Variants in MRPS28 observed in about 807,000 individuals in gnomAD.
MRPS28 encodes small ribosomal subunit protein bS1m.
MRPS28 carries 7 observed loss-of-function variants against 10.8 expected under a neutral mutation model. The ratio of observed to expected loss-of-function variants is 0.65; its 90% CI spans 0.37 to 1.22. The LOEUF is 1.22. MRPS28 is among the 50% of genes most tolerant of loss of function. MRPS28 has a pLI of 0.02. For missense variants in MRPS28, 265 were observed against 232.9 expected, an observed-to-expected ratio of 1.14 and a Z score of -0.90; for synonymous variants, 121 against 93.3, an observed-to-expected ratio of 1.30 and a Z score of -1.71.
intron 2 of MRPS28, among the ~76,000 whole-genome samples, chr8:79,930,747 G>A (rs954779315): frequency 2.6e-5 from 4 of 152,174 alleles, no homozygotes; most frequent in Non-Finnish European, 5.9e-5. Context: ...CTTCTAATCT[G>A]AGAAAAGAAA....
At chr8:80,005,978 C>T (rs1808830028) in intron 1 of MRPS28, among the ~76,000 whole-genome samples, 1 of 152,216 alleles carries the variant, frequency 6.6e-6, no homozygotes, top group South Asian at 2.1e-4. Context: ...CACCCAGATT[C>T]ATAAAGCAAG....
intron 1 of MRPS28, among the ~76,000 whole-genome samples, chr8:80,008,062 T>C (rs1199851065): frequency 6.6e-6 from 1 of 152,122 alleles, no homozygotes; most frequent in African/African-American, 2.4e-5. Context: ...ATGATACTGG[T>C]ACCAAAACAG....
chr8:79,955,563 C>T (rs1224403934), intron 2 of MRPS28, among the ~76,000 whole-genome samples: 1 of 152,062 alleles, frequency 6.6e-6, no homozygotes, highest in African/African-American at 2.4e-5. Context: ...TTTAGGCCTC[C>T]GCTAACAGTC....
At chr8:79,989,157 GGGA>G (rs1808282429) in intron 2 of MRPS28, among the ~76,000 whole-genome samples, 2 of 152,068 alleles carry the variant, frequency 1.3e-5, no homozygotes, top group African/African-American at 4.8e-5. Flanking sequence ...ACGGTAATTT[GGGA>G]ATGGGAAAAG....
chr8:79,955,215 TCTGC>T (rs1342734514), intron 2 of MRPS28, among the ~76,000 whole-genome samples: 4 of 152,194 alleles, frequency 2.6e-5, no homozygotes, highest in Non-Finnish European at 5.9e-5. Context: ...TTTAGAACCA[TCTGC>T]CATGCGGGGT....
intron 1 of MRPS28, among the ~76,000 whole-genome samples, chr8:80,010,087 C>G (rs1458247305): frequency 2.0e-5 from 3 of 152,166 alleles, no homozygotes; most frequent in Non-Finnish European, 2.9e-5. Flanking sequence ...AATCTTTTTA[C>G]ATATTGAATT....
chr8:80,005,741 T>C (rs1808821748), intron 1 of MRPS28, among the ~76,000 whole-genome samples: 1 of 152,026 alleles, frequency 6.6e-6, no homozygotes, highest in Non-Finnish European at 1.5e-5. Context: ...AGGAGACCCA[T>C]CTCACGTGCA....
At chr8:79,965,412 T>C (rs1295890526) in intron 2 of MRPS28, among the ~76,000 whole-genome samples, 6 of 152,084 alleles carry the variant, frequency 3.9e-5, no homozygotes, top group Non-Finnish European at 7.4e-5. Flanking sequence ...ACTATCCTTA[T>C]TCTTATGCTT....
At chr8:79,961,546 C>T (rs1194814468) in intron 2 of MRPS28, among the ~76,000 whole-genome samples, 2 of 152,022 alleles carry the variant, frequency 1.3e-5, no homozygotes, top group African/African-American at 4.8e-5. Flanking sequence ...GAAAATAACA[C>T]CAAAATTGAA....
intron 2 of MRPS28, among the ~76,000 whole-genome samples, chr8:79,919,910 T>C (rs1810030319): frequency 1.3e-5 from 2 of 150,678 alleles, no homozygotes; most frequent in Non-Finnish European, 3.0e-5. Context: ...AACTCGTCAT[T>C]TACGTTAGGT....
intron 2 of MRPS28, among the ~76,000 whole-genome samples, chr8:79,920,114 A>G (rs912693513): frequency 2.0e-4 from 31 of 152,274 alleles, no homozygotes; most frequent in African/African-American, 7.2e-4. Flanking sequence ...TACAAAGGAC[A>G]TGAACTCATC....
At chr8:79,988,623 A>G (rs1808265748) in intron 2 of MRPS28, among the ~76,000 whole-genome samples, 1 of 152,170 alleles carries the variant, frequency 6.6e-6, no homozygotes, top group African/African-American at 2.4e-5. Flanking sequence ...ATAAATGGAG[A>G]CATAAAAAAC....
chr8:79,939,246 T>C (rs1806692259), intron 2 of MRPS28, among the ~76,000 whole-genome samples: 2 of 152,256 alleles, frequency 1.3e-5, no homozygotes, highest in Admixed American at 1.3e-4. Context: ...AAGTCATTGC[T>C]TGCCAAGGAG....
intron 2 of MRPS28, among the ~76,000 whole-genome samples, chr8:79,984,092 A>G (rs1357693987): frequency 2.0e-5 from 3 of 152,072 alleles, no homozygotes; most frequent in Admixed American, 2.0e-4. Flanking sequence ...GAAACTATAC[A>G]AGCCAGAAGA....
chr8:79,992,937 T>C (rs993851628), intron 2 of MRPS28, among the ~76,000 whole-genome samples: 2 of 152,202 alleles, frequency 1.3e-5, no homozygotes, highest in Non-Finnish European at 2.9e-5. Context: ...GTACCTAGCA[T>C]AGAGTATTCA....
intron 2 of MRPS28, among the ~76,000 whole-genome samples, chr8:79,933,496 C>A (rs1221649232): frequency 6.6e-6 from 1 of 152,172 alleles, no homozygotes; most frequent in African/African-American, 2.4e-5. Context: ...AAACTCTGTA[C>A]ATAACAAGGT....
At chr8:79,932,878 A>G (rs1806501276) in intron 2 of MRPS28, among the ~76,000 whole-genome samples, 1 of 152,160 alleles carries the variant, frequency 6.6e-6, no homozygotes, top group Non-Finnish European at 1.5e-5. Context: ...TACTGCCCGC[A>G]TTCTTCTTGG....
intron 1 of MRPS28, among the ~76,000 whole-genome samples, chr8:80,029,180 C>T (rs78351617): frequency 0.013 from 1,999 of 152,198 alleles, 62 homozygotes; most frequent in African/African-American, 0.044. Flanking sequence ...TTTGTTACAA[C>T]AGAAAATAAT....
intron 2 of MRPS28, among the ~76,000 whole-genome samples, chr8:79,991,131 C>A (rs1808352849): frequency 6.6e-6 from 1 of 152,028 alleles, no homozygotes; most frequent in African/African-American, 2.4e-5. Context: ...TGAGTGGATG[C>A]AGGAGGAAGG....
Sources: gnomAD v4.1 joint callset for allele counts (sites outside exome capture counted in the v4.1 genomes callset) on GRCh38, gnomAD v4.1.1 for gene constraint, MANE v1.5 for transcripts, NCBI Gene and HGNC (gene_info 2026-07-23, HGNC 2026-07-21) for gene names.